Variants in TNR observed in about 807,000 individuals in gnomAD.
TNR encodes tenascin R, also known as tenascin-R.
Under a neutral mutation model 150.4 loss-of-function variants are expected in TNR, and 45 were observed. The ratio of observed to expected loss-of-function variants is 0.30; its 90% confidence interval spans 0.24 to 0.38. The LOEUF is 0.38. Ranked by LOEUF, TNR falls within the 10% of genes least tolerant of loss-of-function variation. TNR has a pLI of 1.00. For missense variants in TNR, 1,544 were observed against 1,759.1 expected, an observed-to-expected ratio of 0.88 and a Z score of 2.19; for synonymous variants, 687 against 678.4, an observed-to-expected ratio of 1.01 and a Z score of -0.20.
At chr1:175,360,659 AT>A (rs1557884567) in intron 14 of TNR, among the ~76,000 whole-genome samples, 3 of 152,280 alleles carry the variant, frequency 2.0e-5, no homozygotes, top group African/African-American at 7.2e-5. Context: ...AATTGAAAGT[AT>A]TTTTTTCACT....
intron 21 of TNR, among the ~76,000 whole-genome samples, chr1:175,329,315 T>C (rs1448363358): frequency 1.3e-5 from 2 of 152,232 alleles, no homozygotes; most frequent in Non-Finnish European, 2.9e-5. Flanking sequence ...TGTGTTATAA[T>C]AGAACATGGG....
chr1:175,419,757 C>T (rs1000271453), intron 2 of TNR, among the ~76,000 whole-genome samples: 6 of 152,164 alleles, frequency 3.9e-5, no homozygotes, highest in African/African-American at 1.4e-4. Context: ...GCTGAAATTA[C>T]AAGTGTGAGC....
At chr1:175,596,880 G>A (rs6702143) in intron 1 of TNR, among the ~76,000 whole-genome samples, 24,037 of 151,948 alleles carry the variant, frequency 0.16, 2,819 homozygotes, top group African/African-American at 0.32. Context: ...TTCTCAAAAG[G>A]GACTAAAGAG....
chr1:175,541,314 G>A (rs1423415795), intron 1 of TNR, among the ~76,000 whole-genome samples: 2 of 152,238 alleles, frequency 1.3e-5, no homozygotes, highest in African/African-American at 4.8e-5. Context: ...AAAGCAGGAA[G>A]GCTTAGGGCT....
chr1:175,718,386 C>T (rs746673355), intron 1 of TNR, among the ~76,000 whole-genome samples: 1 of 152,180 alleles, frequency 6.6e-6, no homozygotes, highest in Admixed American at 6.5e-5. Context: ...TCCTGACTCG[C>T]AGCACTCGCA....
chr1:175,427,731 T>TTCC (rs1553220467), intron 2 of TNR, among the ~76,000 whole-genome samples: 1 of 126,614 alleles, frequency 7.9e-6, no homozygotes, highest in Non-Finnish European at 1.7e-5. Flanking sequence ...CTCTCTTTCT[T>TTCC]TTCCTTCCTT....
intron 4 of TNR, among the ~76,000 whole-genome samples, chr1:175,402,500 C>CT (rs1247422189): frequency 6.6e-6 from 1 of 152,032 alleles, no homozygotes; most frequent in Non-Finnish European, 1.5e-5. Context: ...GAGTCATACT[C>CT]TTAATATTCT....
At position 175,337,646 on chromosome 1, in the gene TNR, G is replaced by T. The variant is rs1650311314; in HGVS notation, c.3416C>A (p.Ala1139Asp). The T allele has an allele frequency of 1.2e-6, 2 of 1,614,100 alleles. No homozygotes were observed. Among genetic ancestry groups the T allele is most frequent in the Admixed American group, 1.7e-5 (1 of 60,010 alleles). The change falls in exon 19 of 23, where the codon GCC (alanine) becomes GAC (aspartate). Residue 1139 changes from alanine to aspartate, a missense_variant. Transcript: ENST00000367674. ...AGTGTCTCCATTCATCAAATGCTGGGCACAGTCTTGGGGATGAGGGAACAC... is the reference window on the plus strand; with the variant it reads ...AGTGTCTCCATTCATCAAATGCTGGTCACAGTCTTGGGGATGAGGGAACAC... ...GRVFPHPQDCAQHLMNGDTLS... is the reference protein window; with the variant it reads ...GRVFPHPQDCDQHLMNGDTLS...
At chr1:175,704,404 T>C (rs1242269152) in intron 1 of TNR, among the ~76,000 whole-genome samples, 1 of 152,178 alleles carries the variant, frequency 6.6e-6, no homozygotes, top group African/African-American at 2.4e-5. Context: ...GGACAGAGCT[T>C]GGAGAAAGAG....
chr1:175,566,183 A>T (rs1410895250), intron 1 of TNR, among the ~76,000 whole-genome samples: 2 of 152,244 alleles, frequency 1.3e-5, no homozygotes, highest in Non-Finnish European at 2.9e-5. Flanking sequence ...CTCTTAGTAC[A>T]TCAAAATCCA....
chr1:175,449,710 A>C (rs892429051), intron 2 of TNR, among the ~76,000 whole-genome samples: 1 of 152,198 alleles, frequency 6.6e-6, no homozygotes, highest in East Asian at 1.9e-4. Flanking sequence ...GATGGTTAGC[A>C]TGTTGGGCCC....
intron 1 of TNR, among the ~76,000 whole-genome samples, chr1:175,665,502 C>T (rs185009040): frequency 1.5e-3 from 224 of 152,188 alleles, no homozygotes; most frequent in African/African-American, 5.0e-3. Context: ...AGAGGACAGC[C>T]GAGGGACAGC....
intron 2 of TNR, among the ~76,000 whole-genome samples, chr1:175,410,995 C>T (rs927873292): frequency 6.6e-6 from 1 of 152,134 alleles, no homozygotes; most frequent in African/African-American, 2.4e-5. Flanking sequence ...TCATTTCACA[C>T]AGAAGAACTT....
chr1:175,623,675 T>A (rs1158891476), intron 1 of TNR, among the ~76,000 whole-genome samples: 1 of 152,240 alleles, frequency 6.6e-6, no homozygotes, highest in African/African-American at 2.4e-5. Flanking sequence ...TCACACCCTG[T>A]CCTTTGCCAA....
chr1:175,331,083 T>TTCTTTCTTTCCTTC (rs1571299690), intron 20 of TNR, among the ~76,000 whole-genome samples: 5 of 87,044 alleles, frequency 5.7e-5, no homozygotes, highest in South Asian at 3.9e-4. Context: ...CTTTCCTTCT[T>TTCTTTCTTTCCTTC]TCTTTCTTTC....
intron 3 of TNR, 119 bp from the exon 4 acceptor site, chr1:175,403,735 T>C (rs1653828232): frequency 1.2e-6 from 1 of 834,224 alleles, no homozygotes; most frequent in Non-Finnish European, 1.9e-6. Context: ...TTGCTGAGAG[T>C]GAAGCTCAAC....
At chr1:175,452,040 A>G (rs1288886800) in intron 2 of TNR, among the ~76,000 whole-genome samples, 1 of 152,202 alleles carries the variant, frequency 6.6e-6, no homozygotes, top group Non-Finnish European at 1.5e-5. Flanking sequence ...CTCAGGGGCA[A>G]CCAACGCAGC....
chr1:175,493,004 A>G (rs1175970223), intron 2 of TNR, among the ~76,000 whole-genome samples: 1 of 152,068 alleles, frequency 6.6e-6, no homozygotes, highest in Non-Finnish European at 1.5e-5. Flanking sequence ...GTGGGTGGGT[A>G]GTCCCTCACA....
At chr1:175,535,213 A>G (rs2102183133) in intron 1 of TNR, among the ~76,000 whole-genome samples, 1 of 152,286 alleles carries the variant, frequency 6.6e-6, no homozygotes, top group South Asian at 2.1e-4. Flanking sequence ...TCCTTGCTGA[A>G]GTCCCTGATC....
Sources: gnomAD v4.1 joint callset for allele counts (sites outside exome capture counted in the v4.1 genomes callset) on GRCh38, gnomAD v4.1.1 for gene constraint, MANE v1.5 for transcripts, NCBI Gene and HGNC (gene_info 2026-07-23, HGNC 2026-07-21) for gene names.